GGA2: variants seen among roughly 807,000 people sequenced by gnomAD.
The protein encoded by GGA2 is ADP-ribosylation factor-binding protein GGA2.
Under a neutral mutation model 79.5 loss-of-function variants are expected in GGA2, and 48 were observed. That is an observed-to-expected ratio of 0.60 (90% CI 0.48 to 0.77). The LOEUF is 0.77. Among genes scored for constraint, GGA2 ranks in the 30% least tolerant of loss-of-function variants. The pLI is 0.00. For synonymous variants in GGA2, 317 were observed against 302.0 expected (o/e 1.05, Z -0.51); for missense variants, 770 against 774.0 (o/e 0.99, Z 0.06).
chr16:23,501,505 T>C (rs1567369343), intron 1 of GGA2: 4 of 381,858 alleles, frequency 1.0e-5, no homozygotes, highest in Non-Finnish European at 1.6e-5. Flanking sequence ...CAAATGACCG[T>C]GACCTGTATT....
chr16:23,496,974 T>C (rs1431777663), intron 1 of GGA2, among the ~76,000 whole-genome samples: 1 of 145,980 alleles, frequency 6.9e-6, no homozygotes, highest in East Asian at 2.0e-4. Flanking sequence ...AAAAAAAAAA[T>C]TAGCTGGGCG....
At chr16:23,508,306 T>C (rs1003485611) in intron 1 of GGA2, among the ~76,000 whole-genome samples, 3 of 152,116 alleles carry the variant, frequency 2.0e-5, no homozygotes, top group African/African-American at 7.2e-5. Context: ...CCTCAAAGGA[T>C]TGGCCCACCT....
In GGA2 at chr16:23,465,143, G is replaced by A. The variant is rs1235397623; in HGVS notation, c.*2447C>T. The A allele has an allele frequency of 3.4e-6, 2 of 592,818 alleles. No homozygotes were observed. Among genetic ancestry groups the A allele is most frequent in the Non-Finnish European group, 6.0e-6 (2 of 332,748 alleles). The allele number at this position is 592,818 out of a possible 1,614,324, so 36.7% of individuals were successfully genotyped here. On this transcript the variant is annotated 3_prime_UTR_variant, in exon 17 of 17. Transcript: ENST00000309859. ...GGGTGGTGCCTGGCTCAGGGTAGCTGGTCAACAACTAGCTTTTAAAAAAAC... is the reference window on the plus strand; with the variant it reads ...GGGTGGTGCCTGGCTCAGGGTAGCTAGTCAACAACTAGCTTTTAAAAAAAC...
rs1395109618 is a variant in GGA2, at chr16:23,486,150, T to C, written c.663A>G (p.Glu221=). Residue 221 remains glutamate, a splice_region_variant and synonymous_variant, in exon 8 of 17, where the codon GAA becomes GAG. Coordinates refer to ENST00000309859, the MANE Select transcript of GGA2 (RefSeq NM_015044.4). The part of the protein sequence containing the change: ...NRLIKNLVKE[E]QEKSEKVSKR... ...TGGACACCTTCTCCGATTTTTCTTG[T>C]TCCTTTTGGGAAAAAGAGGAGGATG... 6.2e-7 allele frequency: 1 copy of C among 1,613,850 alleles called. No individual in the cohort carries two copies. The highest frequency in any genetic ancestry group is 1.3e-5 in the African/African-American group (1 of 75,016).
chr16:23,479,826 A>C lies in GGA2; in HGVS notation c.1068T>G (p.Asn356Lys). ...CCACAGTCCCCATCTGCGCAGGTCCATTGTCCACCTCCAAGTCAATCAGGG... is the reference window on the plus strand; with the variant it reads ...CCACAGTCCCCATCTGCGCAGGTCCCTTGTCCACCTCCAAGTCAATCAGGG... The part of the protein sequence containing the change: ...TCPLIDLEVD[N>K]GPAQMGTVVP... The change falls in exon 11 of 17, where the codon AAT becomes AAG. Residue 356 changes from asparagine to lysine, a missense_variant. Coordinates refer to ENST00000309859, the MANE Select transcript of GGA2 (RefSeq NM_015044.4). 1 of 1,614,158 alleles carries C rather than the reference A, an allele frequency of 6.2e-7. No homozygotes were observed. Among genetic ancestry groups the C allele is most frequent in the Non-Finnish European group, 8.5e-7 (1 of 1,180,000 alleles).
rs1326715886 is a variant in GGA2, at chr16:23,488,660, TG to T, written c.524del (p.Pro175HisfsTer21). 9 of 1,611,528 alleles carry T rather than the reference TG, an allele frequency of 5.6e-6. No homozygotes were observed. The highest frequency in any genetic ancestry group is 1.1e-5 in the South Asian group (1 of 91,004). ...TGGAGCTCTTGGGCCAGGGAGATGG[TG>T]GGGGTAAGATTTTATCCACTGGTAG... is the stretch of plus-strand genomic sequence containing the variant. The part of the protein sequence containing the change: ...PKLPVDKILP[P>X]PSPWPKSSIF... On this transcript the variant is annotated frameshift_variant, in exon 6 of 17. Transcript: ENST00000309859. LOFTEE classifies it high-confidence loss of function.
At chr16:23,492,686 T>C (rs1489309091) in intron 4 of GGA2, among the ~76,000 whole-genome samples, 2 of 152,126 alleles carry the variant, frequency 1.3e-5, no homozygotes, top group Non-Finnish European at 2.9e-5. Flanking sequence ...AGTGCTTTCC[T>C]GTGTACGTGA....
intron 1 of GGA2, 56 bp downstream of exon 1, chr16:23,510,265 A>C: frequency 1.7e-6 from 2 of 1,150,186 alleles, no homozygotes; most frequent in Non-Finnish European, 2.3e-6. Flanking sequence ...GGAGGCGGGA[A>C]GCGAGGCCTC....
rs1367491547 is a variant in GGA2, at chr16:23,489,837, C to T, written c.476-1128G>A. Reference sequence around the variant, plus strand: ...AGTAACAAACCCTGCAGCCTTAGAGCACCGGTGGAACCCACTGCAGCTAGA... The same window carrying T: ...AGTAACAAACCCTGCAGCCTTAGAGTACCGGTGGAACCCACTGCAGCTAGA... On this transcript the variant is annotated intron_variant, in intron 5 of 16. Transcript: ENST00000309859. Among the ~76,000 whole-genome samples the T allele has an allele frequency of 4.6e-5, 7 of 152,198 alleles. No individual in the cohort carries two copies. In the East Asian group the frequency reaches 1.4e-3, roughly 29 times the overall value.
intron 16 of GGA2, 85 bp downstream of exon 16, chr16:23,468,801 A>G (rs1964473464): frequency 1.3e-6 from 1 of 766,110 alleles, no homozygotes; most frequent in African/African-American, 1.7e-5. Context: ...CAAGGCCTCA[A>G]TGTGCCTCTC....
upstream of GGA2, chr16:23,523,458 C>T (rs527366751): frequency 1.3e-5 from 2 of 152,350 alleles, no homozygotes; most frequent in African/African-American, 4.8e-5. Flanking sequence ...AAGGGAGACA[C>T]AGGCTGCCCC....
upstream of GGA2, chr16:23,523,242 ATCC>A (rs1965169729): frequency 1.3e-5 from 2 of 152,198 alleles, no homozygotes; most frequent in Non-Finnish European, 2.9e-5. Context: ...CCCTGCCACC[ATCC>A]TCCTTTCACT....
intron 5 of GGA2, among the ~76,000 whole-genome samples, chr16:23,490,171 A>T (rs997123250): frequency 6.6e-6 from 1 of 152,188 alleles, no homozygotes; most frequent in Non-Finnish European, 1.5e-5. Flanking sequence ...TACTGAAGAA[A>T]ACTAACAAAC....
intron 12 of GGA2, 168 bp downstream of exon 12, chr16:23,478,715 G>A (rs752879361): frequency 1.4e-6 from 1 of 735,830 alleles, no homozygotes; most frequent in Non-Finnish European, 2.4e-6. Context: ...GTCTCCCCCA[G>A]GTATCAGCCA....
At chr16:23,500,065 TCTC>T (rs1964903865) in intron 1 of GGA2, among the ~76,000 whole-genome samples, 1 of 152,182 alleles carries the variant, frequency 6.6e-6, no homozygotes, top group African/African-American at 2.4e-5. Context: ...TGTGCTCTCT[TCTC>T]CGCAATCACA....
At chr16:23,485,708 G>A (rs567536329) in intron 8 of GGA2, among the ~76,000 whole-genome samples, 4 of 152,218 alleles carry the variant, frequency 2.6e-5, no homozygotes, top group African/African-American at 2.4e-5. Flanking sequence ...ACACAGCAAC[G>A]TGAATGGATC....
chr16:23,488,889 C>G (rs17742393), intron 5 of GGA2, among the ~76,000 whole-genome samples, 180 bp from the exon 6 acceptor site: 2,821 of 152,260 alleles, frequency 0.019, 38 homozygotes, highest in Non-Finnish European at 0.029. Context: ...TTAGGAGAAT[C>G]CAAGGGACCA....
intron 14 of GGA2, among the ~76,000 whole-genome samples, chr16:23,472,423 C>T (rs551429073): frequency 3.3e-4 from 50 of 151,728 alleles, no homozygotes; most frequent in Non-Finnish European, 6.3e-4. Context: ...GTCTCAAACT[C>T]CTGACCTCAG....
In GGA2 at chr16:23,509,760, G is replaced by A. The variant is rs138985550; in HGVS notation, c.91+561C>T. Among the ~76,000 whole-genome samples, 90 of 145,946 alleles carry A rather than the reference G, an allele frequency of 6.2e-4. 1 individual carries two copies. The East Asian group carries it at 0.017, about 27-fold the overall frequency. ...AAAAAACACACATATATATATATACGCACACACACACACACGTGTGTGTGT... is the reference window on the plus strand; with the variant it reads ...AAAAAACACACATATATATATATACACACACACACACACACGTGTGTGTGT... On this transcript the variant is annotated intron_variant, in intron 1 of 16. Coordinates refer to ENST00000309859, the MANE Select transcript of GGA2 (RefSeq NM_015044.4).
Sources: allele counts gnomAD v4.1 joint callset (sites outside exome capture counted in the v4.1 genomes callset), GRCh38; gene constraint gnomAD v4.1.1; transcripts MANE v1.5; gene names NCBI Gene and HGNC (gene_info 2026-07-23, HGNC 2026-07-21).